The following PTPRN2 variants were observed in gnomAD, a reference collection of about 807,000 sequenced individuals.
The protein encoded by PTPRN2 is protein tyrosine phosphatase receptor type N2.
Under a neutral mutation model 118.8 loss-of-function variants are expected in PTPRN2, and 74 were observed. The observed-to-expected ratio is 0.62, with a 90% CI of 0.52 to 0.76. The LOEUF (loss-of-function observed/expected upper bound fraction) is 0.76, where lower values mean the gene tolerates loss of function less well. Ranked by LOEUF, PTPRN2 falls within the 30% of genes least tolerant of loss-of-function variation. PTPRN2 has a pLI of 0.00. For missense variants in PTPRN2, 1,481 were observed against 1,394.4 expected, an observed-to-expected ratio of 1.06 and a Z score of -0.99; for synonymous variants, 641 against 608.0, an observed-to-expected ratio of 1.05 and a Z score of -0.80.
intron 11 of PTPRN2, among the ~76,000 whole-genome samples, chr7:157,933,062 C>T (rs369571510): frequency 1.5e-5 from 2 of 131,048 alleles, no homozygotes; most frequent in African/African-American, 3.0e-5. Flanking sequence ...GTCAGTCTGA[C>T]TGGCATTTTT....
Position 157,881,107 on chromosome 7 carries a change from C to G in PTPRN2, c.1788+17566G>C, listed in dbSNP as rs1796084272. 6.6e-6 allele frequency among the ~76,000 whole-genome samples: 1 copy of G among 151,396 alleles called. No individual in the cohort carries two copies. Among genetic ancestry groups the G allele is most frequent in the Non-Finnish European group, 1.5e-5 (1 of 67,908 alleles). On this transcript the variant is annotated intron_variant, in intron 12 of 22. Coordinates refer to ENST00000389418, the MANE Select transcript of PTPRN2 (RefSeq NM_002847.5). The surrounding 1 kb of genome is among the most constrained non-coding windows in gnomAD (Gnocchi z 4.7). ...GGATATGTGGAGATGGGGGTGTTTA[C>G]AGTAGTCATTATGATAAAATGAAGT...
At chr7:157,543,284 A>G (rs1798100710) in intron 22 of PTPRN2, among the ~76,000 whole-genome samples, 2 of 152,216 alleles carry the variant, frequency 1.3e-5, no homozygotes, top group South Asian at 2.1e-4. Context: ...GCATTTTTGA[A>G]CACATACTAC....
intron 3 of PTPRN2, among the ~76,000 whole-genome samples, chr7:158,299,145 T>C (rs1052604956): frequency 6.6e-6 from 1 of 152,148 alleles, no homozygotes; most frequent in Non-Finnish European, 1.5e-5. Context: ...TTGACACTAA[T>C]CAATGCTTTT....
intron 4 of PTPRN2, among the ~76,000 whole-genome samples, chr7:158,204,015 C>T (rs1178776059): frequency 1.3e-5 from 2 of 151,520 alleles, no homozygotes; most frequent in East Asian, 3.9e-4. Context: ...AAGACGCAGC[C>T]CCTGCCCTCA....
intron 3 of PTPRN2, among the ~76,000 whole-genome samples, chr7:158,265,890 G>A (rs545081002): frequency 7.2e-5 from 11 of 152,358 alleles, no homozygotes; most frequent in East Asian, 3.9e-4. Flanking sequence ...CAGAGTCTGC[G>A]TGGGGGCTGC....
At chr7:158,410,175 C>T (rs1813924918) in intron 2 of PTPRN2, among the ~76,000 whole-genome samples, 3 of 152,194 alleles carry the variant, frequency 2.0e-5, no homozygotes, top group African/African-American at 7.2e-5. Context: ...AGCCACCTCC[C>T]CAAACCCTCT....
chr7:157,672,351 C>T (rs1198462604), intron 13 of PTPRN2, among the ~76,000 whole-genome samples: 1 of 152,102 alleles, frequency 6.6e-6, no homozygotes, highest in East Asian at 1.9e-4. Flanking sequence ...ATTTGTTCTC[C>T]TTGAATCTGG....
At chr7:158,369,678 G>A (rs886106687) in intron 2 of PTPRN2, among the ~76,000 whole-genome samples, 2 of 152,156 alleles carry the variant, frequency 1.3e-5, no homozygotes, top group African/African-American at 4.8e-5. Context: ...CATACACAGA[G>A]AAACTGGAAC....
At chr7:158,362,668 T>C (rs1809083427) in intron 2 of PTPRN2, among the ~76,000 whole-genome samples, 1 of 149,814 alleles carries the variant, frequency 6.7e-6, no homozygotes, top group Non-Finnish European at 1.5e-5. Context: ...TAACTGGATG[T>C]GCGTATAAAA....
At chr7:158,152,191 A>AAAAAAAAAAAAT (rs1554561530) in intron 6 of PTPRN2, among the ~76,000 whole-genome samples, 1 of 145,154 alleles carries the variant, frequency 6.9e-6, no homozygotes, top group Non-Finnish European at 1.5e-5. Context: ...AAAAAAAAAA[A>AAAAAAAAAAAAT]CCATGAATGC....
intron 13 of PTPRN2, among the ~76,000 whole-genome samples, chr7:157,665,470 C>CT (rs1276981931): frequency 2.0e-5 from 3 of 152,240 alleles, no homozygotes; most frequent in African/African-American, 7.2e-5. Flanking sequence ...CCTCCCCACT[C>CT]TGAGGAGCTG....
intron 3 of PTPRN2, among the ~76,000 whole-genome samples, chr7:158,255,704 C>T (rs111630016): frequency 0.037 from 5,674 of 151,986 alleles, 109 homozygotes; most frequent in Non-Finnish European, 0.051. Flanking sequence ...TGCTGTCCGC[C>T]GCACCCTTGC....
At chr7:157,709,468 T>G (rs1037616179) in intron 12 of PTPRN2, among the ~76,000 whole-genome samples, 2 of 152,196 alleles carry the variant, frequency 1.3e-5, no homozygotes, top group African/African-American at 4.8e-5. Flanking sequence ...CATTTACCAC[T>G]GGGTTACTCG....
In PTPRN2 at chr7:157,944,947, C is replaced by T. The variant is rs551634785; in HGVS notation, c.1724-46210G>A. On this transcript the variant is annotated intron_variant, in intron 11 of 22. Transcript: ENST00000389418. The surrounding 1 kb of genome is among the most constrained non-coding windows in gnomAD (Gnocchi z 4.3). ...TAAACAGAGACTCTGAAATAAACAC[C>T]GTGCCGAATGGAGCCTGTGCAGCTC... Among the ~76,000 whole-genome samples, 58 of 152,286 alleles carry T rather than the reference C, an allele frequency of 3.8e-4. No individual in the cohort carries two copies. Among genetic ancestry groups the T allele is most frequent in the African/African-American group, 1.0e-3 (43 of 41,566 alleles).
chr7:158,151,640 A>T (rs1190953566), intron 6 of PTPRN2, among the ~76,000 whole-genome samples: 1 of 151,988 alleles, frequency 6.6e-6, no homozygotes, highest in Non-Finnish European at 1.5e-5. Flanking sequence ...CAGGAGGTGA[A>T]ATACTCCCCC....
chr7:158,159,645 G>A (rs1401577352), intron 6 of PTPRN2, among the ~76,000 whole-genome samples: 5 of 139,524 alleles, frequency 3.6e-5, no homozygotes, highest in Admixed American at 2.2e-4. Flanking sequence ...TTACAACAGT[G>A]GACACCCCAC....
At chr7:158,265,652 G>GC (rs1385403459) in intron 3 of PTPRN2, among the ~76,000 whole-genome samples, 2 of 152,240 alleles carry the variant, frequency 1.3e-5, no homozygotes, top group East Asian at 3.9e-4. Context: ...AAGTGCCTCA[G>GC]CAGGAGGCCT....
chr7:157,545,911 T>C (rs917804003), intron 22 of PTPRN2, among the ~76,000 whole-genome samples: 1 of 152,168 alleles, frequency 6.6e-6, no homozygotes, highest in East Asian at 1.9e-4. Context: ...AGCATTCAGA[T>C]TGGACAGCAG....
intron 2 of PTPRN2, among the ~76,000 whole-genome samples, chr7:158,403,989 A>G (rs1813149159): frequency 6.6e-6 from 1 of 152,252 alleles, no homozygotes; most frequent in African/African-American, 2.4e-5. Context: ...CTTACCAAAG[A>G]AAAGGAAGTC....
Sources: allele counts gnomAD v4.1 joint callset (sites outside exome capture counted in the v4.1 genomes callset), GRCh38; gene constraint gnomAD v4.1.1; non-coding constraint Gnocchi (gnomAD v3.1); transcripts MANE v1.5; gene names NCBI Gene and HGNC (gene_info 2026-07-23, HGNC 2026-07-21).